The following GAS2L3 variants were observed in gnomAD, a reference collection of about 807,000 sequenced individuals.
The protein encoded by GAS2L3 is growth arrest specific 2 like 3, also known as GAS2-like protein 3.
A neutral mutation model predicts 37.0 loss-of-function variants in GAS2L3; 28 were observed. The ratio of observed to expected loss-of-function variants is 0.76; its 90% CI spans 0.56 to 1.04. GAS2L3 has a LOEUF of 1.04. GAS2L3 is among the 50% of genes least tolerant of loss of function. The pLI, the probability that GAS2L3 is intolerant of heterozygous loss-of-function variation, is 0.00. For missense variants in GAS2L3, 793 were observed against 817.6 expected (o/e 0.97, Z 0.37); for synonymous variants, 290 against 296.6 (o/e 0.98, Z 0.23).
intron 1 of GAS2L3, among the ~76,000 whole-genome samples, chr12:100,591,106 A>G (rs971335444): frequency 6.6e-5 from 10 of 152,204 alleles, no homozygotes; most frequent in Non-Finnish European, 1.3e-4. Context: ...AGTAAAAAAT[A>G]AAATTATGTA....
chr12:100,604,111 AG>A (rs1465661443), intron 5 of GAS2L3, among the ~76,000 whole-genome samples: 1 of 151,936 alleles, frequency 6.6e-6, no homozygotes, highest in African/African-American at 2.4e-5. Context: ...TATAAATTTT[AG>A]GATCTTTTTT....
chr12:100,580,545 T>G (rs1955698072), intron 1 of GAS2L3, among the ~76,000 whole-genome samples: 1 of 152,236 alleles, frequency 6.6e-6, no homozygotes, highest in South Asian at 2.1e-4. Flanking sequence ...GGCATTTTTT[T>G]GGCCAGTTTT....
At chr12:100,599,449 A>G (rs1034423728) in intron 3 of GAS2L3, among the ~76,000 whole-genome samples, 1 of 152,208 alleles carries the variant, frequency 6.6e-6, no homozygotes, top group African/African-American at 2.4e-5. Context: ...CAAAATTGAG[A>G]TACTACGCAG....
At position 100,612,146 on chromosome 12, in the gene GAS2L3, G is replaced by A. The variant is rs1366167281; in HGVS notation, c.445+5G>A. ...TCTTTGAATCTGAAGGTTTAGGTAAGTGATGTTCTTGTCATTCTTGTTTTT... is the reference window on the plus strand; with the variant it reads ...TCTTTGAATCTGAAGGTTTAGGTAAATGATGTTCTTGTCATTCTTGTTTTT... On this transcript the variant is annotated splice_donor_5th_base_variant and intron_variant, in intron 6 of 9. Coordinates refer to ENST00000547754, the MANE Select transcript of GAS2L3 (RefSeq NM_174942.3). 6.2e-7 allele frequency: 1 copy of A among 1,611,826 alleles called. No homozygotes were observed. Among genetic ancestry groups the A allele is most frequent in the South Asian group, 1.1e-5 (1 of 90,820 alleles).
chr12:100,580,135 A>G (rs1955692667), intron 1 of GAS2L3: 1 of 832,062 alleles, frequency 1.2e-6, no homozygotes, highest in Non-Finnish European at 2.1e-6. Flanking sequence ...GGGTGCCTGG[A>G]CTCATAAATG....
In GAS2L3 at chr12:100,624,809, A is replaced by C. The variant is rs1315271940; in HGVS notation, c.2004A>C (p.Gly668=). 1.2e-6 allele frequency: 2 copies of C among 1,613,644 alleles called. No individual in the cohort carries two copies. Among genetic ancestry groups the C allele is most frequent in the Non-Finnish European group, 1.7e-6 (2 of 1,179,818 alleles). The change falls in exon 10 of 10, where the codon GGA becomes GGC. Residue 668 remains glycine (G), a synonymous_variant. Transcript: ENST00000547754. ...PPSSVKDADS[G]DKKPTAKKKE... is the part of the protein sequence containing the mutation. ...CATCTGTTAAGGATGCAGATAGTGG[A>C]GATAAAAAACCTACTGCAAAGAAAA...
intron 1 of GAS2L3, among the ~76,000 whole-genome samples, chr12:100,590,504 T>C (rs895003743): frequency 2.0e-5 from 3 of 152,214 alleles, no homozygotes; most frequent in Non-Finnish European, 4.4e-5. Context: ...TGGAAAACAG[T>C]GTGGAGATTC....
intron 8 of GAS2L3, 136 bp downstream of exon 8, chr12:100,618,723 C>G: frequency 1.5e-6 from 1 of 671,784 alleles, no homozygotes; most frequent in Non-Finnish European, 2.4e-6. Context: ...GTACTATTCT[C>G]CATTCTCTGA....
intron 1 of GAS2L3, chr12:100,580,217 G>T: frequency 1.6e-6 from 1 of 637,632 alleles, no homozygotes. Context: ...TACATTGTAA[G>T]ATTTTAAACA....
In GAS2L3 at chr12:100,606,527, A is replaced by G. The variant is rs1956059116; in HGVS notation, c.303+4774A>G. Among the ~76,000 whole-genome samples, 4 of 151,830 alleles carry G rather than the reference A, an allele frequency of 2.6e-5. No individual in the cohort carries two copies. The South Asian group carries it at 8.3e-4, about 32-fold the overall frequency. ...TGATAAATAAGGACTTATTCCTGCC[A>G]TTTTGTTGTTTTCTGGTTGTTTTTT... On this transcript the variant is annotated intron_variant, in intron 5 of 9. Transcript: ENST00000547754.
chr12:100,600,102 C>T (rs928881642), intron 3 of GAS2L3, among the ~76,000 whole-genome samples: 2 of 152,112 alleles, frequency 1.3e-5, no homozygotes, highest in Non-Finnish European at 2.9e-5. Context: ...TGGCATGTGC[C>T]TGTGCTCTCA....
At chr12:100,583,448 GT>G (rs1242292698) in intron 1 of GAS2L3, among the ~76,000 whole-genome samples, 1 of 152,222 alleles carries the variant, frequency 6.6e-6, no homozygotes, top group East Asian at 1.9e-4. Flanking sequence ...CAGAGCTGTT[GT>G]CCTGTTAACT....
Position 100,601,675 on chromosome 12 carries a change from T to G in GAS2L3, c.225T>G (p.Leu75=). 2 of 1,597,914 alleles carry G rather than the reference T, an allele frequency of 1.3e-6. No homozygotes were observed. The highest frequency in any genetic ancestry group is 1.7e-6 in the Non-Finnish European group (2 of 1,167,264). Residue 75 remains leucine, a synonymous_variant, in exon 5 of 10, where the codon CTT becomes CTG. Transcript: ENST00000547754. ...KVKAEKLLEE[L]DNGVLLCQLI... is the part of the protein sequence containing the mutation. ...AGGCAGAAAAATTATTGGAAGAACTTGATAATGGAGTACTATTATGTCAAC... is the reference window on the plus strand; with the variant it reads ...AGGCAGAAAAATTATTGGAAGAACTGGATAATGGAGTACTATTATGTCAAC...
At chr12:100,607,949 G>T (rs1233410681) in intron 5 of GAS2L3, among the ~76,000 whole-genome samples, 1 of 152,094 alleles carries the variant, frequency 6.6e-6, no homozygotes, top group African/African-American at 2.4e-5. Context: ...GTGTTTTCCT[G>T]GATGGTCTTG....
chr12:100,614,021 G>A (rs1202749020), intron 6 of GAS2L3, among the ~76,000 whole-genome samples: 2 of 152,176 alleles, frequency 1.3e-5, no homozygotes, highest in African/African-American at 4.8e-5. Flanking sequence ...AAAAGGAGAT[G>A]ATCCACAACT....
intron 3 of GAS2L3, 88 bp downstream of exon 3, chr12:100,595,010 G>A: frequency 3.7e-6 from 2 of 538,170 alleles, no homozygotes; most frequent in Admixed American, 4.0e-5. Flanking sequence ...TTATCACAGT[G>A]TTCTTATTGT....
intron 1 of GAS2L3, among the ~76,000 whole-genome samples, chr12:100,591,216 A>G (rs890949040): frequency 1.3e-5 from 2 of 152,164 alleles, no homozygotes; most frequent in Non-Finnish European, 2.9e-5. Flanking sequence ...TCTCTTGCCT[A>G]TGGCGTCTAG....
At chr12:100,613,199 G>A (rs146593875) in intron 6 of GAS2L3, among the ~76,000 whole-genome samples, 1 of 152,178 alleles carries the variant, frequency 6.6e-6, no homozygotes, top group Non-Finnish European at 1.5e-5. Context: ...AAGGACATAA[G>A]ATTGTTGTAT....
Position 100,625,205 on chromosome 12 carries a change from A to G in GAS2L3, c.*315A>G, listed in dbSNP as rs987511290. On this transcript the variant is annotated 3_prime_UTR_variant, in exon 10 of 10. Transcript: ENST00000547754. ...TGTAAAAGTTATTTAACACTACAAG[A>G]ATTTTAACAATAGTTGCTCTATTTT... The G allele has an allele frequency of 3.2e-5, 6 of 189,886 alleles. No individual in the cohort carries two copies. In the Admixed American group the frequency reaches 3.2e-4, roughly 10 times the overall value. The allele number at this position is 189,886 out of a possible 1,614,324, so 11.8% of individuals were successfully genotyped here.
Sources: allele counts gnomAD v4.1 joint callset (sites outside exome capture counted in the v4.1 genomes callset), GRCh38; gene constraint gnomAD v4.1.1; transcripts MANE v1.5; gene names NCBI Gene and HGNC (gene_info 2026-07-23, HGNC 2026-07-21).